The following OPCML variants were observed in gnomAD, a reference collection of about 807,000 sequenced individuals.
OPCML encodes the protein opioid-binding protein/cell adhesion molecule.
In OPCML, 13 loss-of-function variants were observed where a neutral mutation model predicts 37.8. The ratio of observed to expected loss-of-function variants is 0.34; its 90% CI spans 0.22 to 0.55. OPCML has a LOEUF of 0.55. OPCML is among the 20% of genes least tolerant of loss of function. The probability of loss-of-function intolerance (pLI) is 0.91; values close to 1 mark genes in which losing one functional copy is unlikely to be tolerated. For missense variants in OPCML, 341 were observed against 435.6 expected, an observed-to-expected ratio of 0.78 and a Z score of 1.93; for synonymous variants, 176 against 168.8, an observed-to-expected ratio of 1.04 and a Z score of -0.33.
intron 1 of OPCML, among the ~76,000 whole-genome samples, chr11:133,374,943 T>C (rs1434794924): frequency 2.0e-5 from 3 of 152,174 alleles, no homozygotes; most frequent in Non-Finnish European, 4.4e-5. Flanking sequence ...AATTTCTTCA[T>C]CTGGAAGGTG....
rs1363715851 is a variant in OPCML, at chr11:132,574,263, TTTTG to T, written c.380-45081_380-45078del. Among the ~76,000 whole-genome samples the T allele has an allele frequency of 4.7e-3, 714 of 151,004 alleles. 9 individuals are homozygous for T. The highest frequency in any genetic ancestry group is 0.015 in the African/African-American group (631 of 41,388). ...CTTTGTGTTTTTTTTTTTTTGGTTT[TTTTG>T]TTTGTTTGTTTGTTTTTGCCTAGCT... On this transcript the variant is annotated intron_variant, in intron 3 of 7. Coordinates refer to ENST00000524381, the MANE Select transcript of OPCML (RefSeq NM_001012393.5).
chr11:133,401,315 G>T (rs1011419370), intron 1 of OPCML, among the ~76,000 whole-genome samples: 1 of 152,056 alleles, frequency 6.6e-6, no homozygotes, highest in African/African-American at 2.4e-5. Context: ...CAAAAGGGCA[G>T]AAAATCCATA....
rs927515940 is a variant in OPCML, at chr11:132,674,249, G to A, written c.147-16930C>T. Among the ~76,000 whole-genome samples the A allele has an allele frequency of 4.6e-5, 7 of 152,204 alleles. 1 individual carries two copies. The East Asian group carries it at 1.2e-3, about 25-fold the overall frequency. ...AACTTAGCATCACAGCAGAGCGGTC[G>A]AAGCAGAGAGAACTAGAGAGGCTTG... is the stretch of plus-strand genomic sequence containing the variant. On this transcript the variant is annotated intron_variant, in intron 2 of 7. Transcript: ENST00000524381.
At chr11:132,492,664 T>G (rs1003715699) in intron 4 of OPCML, among the ~76,000 whole-genome samples, 1 of 152,120 alleles carries the variant, frequency 6.6e-6, no homozygotes, top group African/African-American at 2.4e-5. Context: ...GGCAGTTGAA[T>G]CTGTGACTCA....
chr11:133,296,963 C>T (rs1181731247), intron 1 of OPCML, among the ~76,000 whole-genome samples: 1 of 152,070 alleles, frequency 6.6e-6, no homozygotes, highest in Non-Finnish European at 1.5e-5. Context: ...GACACTGATC[C>T]AAAACTCACA....
At chr11:133,393,707 C>T (rs530747384) in intron 1 of OPCML, among the ~76,000 whole-genome samples, 52 of 152,304 alleles carry the variant, frequency 3.4e-4, no homozygotes, top group African/African-American at 1.1e-3. Context: ...CTCATGAAAG[C>T]TGTTTCTCCA....
intron 1 of OPCML, among the ~76,000 whole-genome samples, chr11:133,493,022 C>T (rs1947699314): frequency 6.6e-6 from 1 of 152,200 alleles, no homozygotes. Flanking sequence ...GGAAGGACCA[C>T]CTGTCAGTCC....
At chr11:132,553,744 T>C (rs1219302805) in intron 3 of OPCML, among the ~76,000 whole-genome samples, 4 of 152,170 alleles carry the variant, frequency 2.6e-5, no homozygotes, top group African/African-American at 7.2e-5. Flanking sequence ...AACATCTCAT[T>C]ATCTGATAAT....
intron 1 of OPCML, among the ~76,000 whole-genome samples, chr11:133,486,006 C>T (rs1947518594): frequency 6.6e-6 from 1 of 152,012 alleles, no homozygotes; most frequent in Non-Finnish European, 1.5e-5. Flanking sequence ...CTATAATGTG[C>T]CTTACAGAGA....
At chr11:132,467,009 ATAAGACCATTCTAGGC>A (rs1185069587) in intron 4 of OPCML, among the ~76,000 whole-genome samples, 5 of 152,234 alleles carry the variant, frequency 3.3e-5, no homozygotes, top group Non-Finnish European at 7.3e-5. Context: ...AAAGGAACAG[ATAAGACCATTCTAGGC>A]TGAGAAGTGT....
At chr11:132,478,498 G>A (rs1027083328) in intron 4 of OPCML, among the ~76,000 whole-genome samples, 1 of 152,138 alleles carries the variant, frequency 6.6e-6, no homozygotes, top group African/African-American at 2.4e-5. Context: ...GCCCCCCAAA[G>A]AGTCATTCAC....
At chr11:133,252,875 C>CG (rs1221697866) in intron 1 of OPCML, among the ~76,000 whole-genome samples, 1 of 152,148 alleles carries the variant, frequency 6.6e-6, no homozygotes, top group Non-Finnish European at 1.5e-5. Context: ...CGGCCAGGTA[C>CG]GGTGGCTCAT....
chr11:132,479,518 C>T (rs11820423), intron 4 of OPCML, among the ~76,000 whole-genome samples: 3,891 of 152,290 alleles, frequency 0.026, 154 homozygotes, highest in African/African-American at 0.087. Flanking sequence ...TGGGTGGAGC[C>T]CACCACAGCT....
At chr11:132,829,620 C>T (rs1324260386) in intron 2 of OPCML, among the ~76,000 whole-genome samples, 3 of 152,110 alleles carry the variant, frequency 2.0e-5, no homozygotes, top group Admixed American at 2.0e-4. Context: ...ATCTCCTGTC[C>T]GGTGTTGGCC....
intron 1 of OPCML, among the ~76,000 whole-genome samples, chr11:133,491,158 C>A (rs1253782244): frequency 6.6e-6 from 1 of 152,140 alleles, no homozygotes. Context: ...TCGGATGATG[C>A]CCAGGTCGAC....
chr11:133,258,768 G>A (rs1232671348), intron 1 of OPCML, among the ~76,000 whole-genome samples: 1 of 151,964 alleles, frequency 6.6e-6, no homozygotes, highest in Non-Finnish European at 1.5e-5. Context: ...AGTACCCCCA[G>A]CTACCCCCAG....
At chr11:133,109,968 G>T (rs908007670) in intron 1 of OPCML, among the ~76,000 whole-genome samples, 3 of 152,192 alleles carry the variant, frequency 2.0e-5, no homozygotes, top group African/African-American at 7.2e-5. Flanking sequence ...AGACAATTTT[G>T]CTCTCCATAG....
At chr11:133,182,397 GA>G (rs1937874625) in intron 1 of OPCML, among the ~76,000 whole-genome samples, 1 of 152,196 alleles carries the variant, frequency 6.6e-6, no homozygotes, top group Admixed American at 6.5e-5. Flanking sequence ...AAGCTGAACA[GA>G]TCTCTTATTC....
chr11:132,947,345 C>T (rs992206330), intron 1 of OPCML, among the ~76,000 whole-genome samples: 2 of 152,134 alleles, frequency 1.3e-5, no homozygotes, highest in African/African-American at 4.8e-5. Context: ...AGAAATAAAC[C>T]AAGTATCCCA....
Sources: gnomAD v4.1 joint callset for allele counts (sites outside exome capture counted in the v4.1 genomes callset) on GRCh38, gnomAD v4.1.1 for gene constraint, MANE v1.5 for transcripts, NCBI Gene and HGNC (gene_info 2026-07-23, HGNC 2026-07-21) for gene names.